The following MAP3K19 variants were observed in gnomAD, a reference collection of about 807,000 sequenced individuals.
MAP3K19 encodes mitogen-activated protein kinase kinase kinase 19.
A neutral mutation model predicts 114.4 loss-of-function variants in MAP3K19; 91 were observed. The observed-to-expected ratio is 0.80, with a 90% CI of 0.67 to 0.95. The LOEUF (loss-of-function observed/expected upper bound fraction) is 0.95. MAP3K19 is among the 40% of genes least tolerant of loss of function. The probability of loss-of-function intolerance (pLI) is 0.00; values close to 1 mark genes in which losing one functional copy is unlikely to be tolerated. For missense variants in MAP3K19, 1,471 were observed against 1,573.2 expected, an observed-to-expected ratio of 0.94 and a Z score of 1.10; for synonymous variants, 518 against 530.5, an observed-to-expected ratio of 0.98 and a Z score of 0.32.
At position 135,000,017 on chromosome 2, in the gene MAP3K19, T is replaced by G; in HGVS notation, c.236-2A>C. 6.3e-7 allele frequency: 1 copy of G among 1,593,232 alleles called. No individual in the cohort carries two copies. The highest frequency in any genetic ancestry group is 8.6e-7 in the Non-Finnish European group (1 of 1,161,006). On this transcript the variant is annotated splice_acceptor_variant, in intron 6 of 12. Coordinates refer to ENST00000392915, the MANE Select transcript of MAP3K19 (RefSeq NM_025052.5). LOFTEE classifies it high-confidence loss of function. Reference sequence around the variant, plus strand: ...GAAAAGTTACAGTGATCTCAACACCTGTAGAAACATACCACAGTAGTAGAA... The same window carrying G: ...GAAAAGTTACAGTGATCTCAACACCGGTAGAAACATACCACAGTAGTAGAA...
Position 134,999,907 on chromosome 2 carries a change from A to T in MAP3K19, c.314+30T>A. ...CTATCATTGCTTCATACTTCATTTC[A>T]AATCTGATACTTCAAAGAATATTCC... On this transcript the variant is annotated intron_variant, in intron 7 of 12. Transcript: ENST00000392915. This position sits in a 1 kb window ranked among gnomAD's most constrained non-coding sequence, Gnocchi z 4.1. The T allele has an allele frequency of 7.0e-7, 1 of 1,434,950 alleles. No homozygotes were observed. Among genetic ancestry groups the T allele is most frequent in the Non-Finnish European group, 9.8e-7 (1 of 1,017,196 alleles). 88.9% of individuals were successfully genotyped at this position (1,434,950 alleles called of 1,614,324 possible).
chr2:134,976,370 G>A (rs912281125), intron 12 of MAP3K19, among the ~76,000 whole-genome samples: 4 of 152,176 alleles, frequency 2.6e-5, no homozygotes, highest in African/African-American at 7.2e-5. Context: ...AGTTCACTGT[G>A]AGAATGTGGA....
intron 3 of MAP3K19, 31 bp from the exon 4 acceptor site, chr2:135,024,772 AT>A: frequency 2.6e-6 from 2 of 775,954 alleles, no homozygotes; most frequent in Non-Finnish European, 4.3e-6. Flanking sequence ...ATTAAAGTTT[AT>A]TTAGTTGAAT....
rs1444654509 is a variant in MAP3K19 at position 134,986,050 on chromosome 2, A to G, written c.2822T>C (p.Met941Thr). The G allele has an allele frequency of 6.2e-7, 1 of 1,613,916 alleles. No homozygotes were observed. Among genetic ancestry groups the G allele is most frequent in the East Asian group, 2.2e-5 (1 of 44,866 alleles). ...SLANKSITYQ[M>T]FGKTLSGTNS... ...TGTGCCACTTAAGGTTTTTCCAAAC[A>G]TTTGATATGTGATTGACTTATTTGC... The change falls in exon 10 of 13, where the codon ATG (methionine) becomes ACG (threonine). Residue 941 changes from methionine (M) to threonine (T), a missense_variant. Transcript: ENST00000392915.
Position 134,999,865 on chromosome 2 carries a change from T to C in MAP3K19, c.314+72A>G. The stretch of plus-strand genomic sequence containing the variant: ...TTATTATGGATTCAATTACTAATAA[T>C]GTAGGTTGCCATATGACTATCATTG... On this transcript the variant is annotated intron_variant, in intron 7 of 12. Coordinates refer to ENST00000392915, the MANE Select transcript of MAP3K19 (RefSeq NM_025052.5). This position sits in a 1 kb window ranked among gnomAD's most constrained non-coding sequence, Gnocchi z 4.1. 4.2e-6 allele frequency: 4 copies of C among 963,722 alleles called. No individual in the cohort carries two copies. Among genetic ancestry groups the C allele is most frequent in the East Asian group, 4.8e-5 (2 of 41,768 alleles). The allele number at this position is 963,722 out of a possible 1,614,324, so 59.7% of individuals were successfully genotyped here.
At chr2:135,046,911 A>G (rs958346619) in intron 1 of MAP3K19, among the ~76,000 whole-genome samples, 20 of 152,250 alleles carry the variant, frequency 1.3e-4, no homozygotes, top group Admixed American at 6.5e-4. Flanking sequence ...GTATAATTCA[A>G]TGAAGGCAAG....
At chr2:134,968,186 A>G (rs908102506) in intron 12 of MAP3K19, among the ~76,000 whole-genome samples, 18 of 152,132 alleles carry the variant, frequency 1.2e-4, no homozygotes, top group South Asian at 2.1e-4. Flanking sequence ...GTAAGGTCAC[A>G]GATCAACAGC....
chr2:134,983,679 G>T lies in MAP3K19; in HGVS notation c.3219C>A (p.Gly1073=). 2 of 1,561,722 alleles carry T rather than the reference G, an allele frequency of 1.3e-6. No homozygotes were observed. The highest frequency in any genetic ancestry group is 1.7e-6 in the Non-Finnish European group (2 of 1,159,652). The change falls in exon 11 of 13, where the codon GGC becomes GGA. Residue 1073 remains glycine (G), a synonymous_variant. Coordinates refer to ENST00000392915, the MANE Select transcript of MAP3K19 (RefSeq NM_025052.5). ...TCAAGTTTCCAGTTTAACTTACTGT[G>T]CCGTAGGCTCCCTTTCCAAGAATCT... ...KGEILGKGAY[G]TVYCGLTSQG...
chr2:134,971,367 C>A (rs953288823), intron 12 of MAP3K19, among the ~76,000 whole-genome samples: 1 of 152,020 alleles, frequency 6.6e-6, no homozygotes, highest in Non-Finnish European at 1.5e-5. Flanking sequence ...AGGATACTGG[C>A]CTATAGTTTT....
In MAP3K19 at chr2:134,999,554, C is replaced by T. The variant is rs1163431884; in HGVS notation, c.314+383G>A. 6.6e-6 allele frequency among the ~76,000 whole-genome samples: 1 copy of T among 152,208 alleles called. No homozygotes were observed. Among genetic ancestry groups the T allele is most frequent in the Non-Finnish European group, 1.5e-5 (1 of 68,034 alleles). ...TCACCCTCGCAGCCTGTCCTGACCT[C>T]ATCATGGACTAGTAACAGGACCACA... On this transcript the variant is annotated intron_variant, in intron 7 of 12. Transcript: ENST00000392915. The surrounding 1 kb of genome is among the most constrained non-coding windows in gnomAD (Gnocchi z 4.1).
At chr2:135,035,320 C>A (rs1176720842) in intron 2 of MAP3K19, among the ~76,000 whole-genome samples, 1 of 152,094 alleles carries the variant, frequency 6.6e-6, no homozygotes, top group South Asian at 2.1e-4. Context: ...TCACCTCAGC[C>A]CAGGAGGTAG....
At chr2:135,046,743 A>G (rs532816728) in intron 1 of MAP3K19, among the ~76,000 whole-genome samples, 2 of 152,340 alleles carry the variant, frequency 1.3e-5, no homozygotes, top group East Asian at 3.9e-4. Context: ...TTGATTTAGA[A>G]CCTTATGCAA....
At chr2:134,983,306 A>G (rs60969462) in intron 11 of MAP3K19, 128,563 of 544,698 alleles carry the variant, frequency 0.24, 17,725 homozygotes, top group Middle Eastern at 0.56. Flanking sequence ...TTGAAGGAAG[A>G]TATTTCTTTC....
At position 135,004,707 on chromosome 2, in the gene MAP3K19, T is replaced by TGC. The variant is rs567632714; in HGVS notation, c.235+726_235+727dup. On this transcript the variant is annotated intron_variant, in intron 6 of 12. Transcript: ENST00000392915. ...TGCAAATACCTTGTGGTCTGTTAAG[T>TGC]GCAAGGGCACTTACGGTGTGACAGG... Among the ~76,000 whole-genome samples, 399 of 152,330 alleles carry TGC rather than the reference T, an allele frequency of 2.6e-3. 1 individual carries two copies. The highest frequency in any genetic ancestry group is 8.7e-3 in the African/African-American group (363 of 41,570).
At position 134,988,079 on chromosome 2, in the gene MAP3K19, G is replaced by C. The variant is rs1225375772; in HGVS notation, c.793C>G (p.Pro265Ala). 5 of 1,613,776 alleles carry C rather than the reference G, an allele frequency of 3.1e-6. No homozygotes were observed. The highest frequency in any genetic ancestry group is 4.2e-6 in the Non-Finnish European group (5 of 1,179,892). The change falls in exon 10 of 13, where the codon CCG (proline) becomes GCG (alanine). Residue 265 changes from proline (P) to alanine (A), a missense_variant. Coordinates refer to ENST00000392915, the MANE Select transcript of MAP3K19 (RefSeq NM_025052.5). ...ATCAACGACTTAACTAGGGCTCCCG[G>C]AGGCTCGTTTGATGGGCTGAGCTCA... ...SDELSPSNEP[P>A]GALVKSLMDP...
intron 3 of MAP3K19, among the ~76,000 whole-genome samples, chr2:135,027,319 GAC>G (rs1291305532): frequency 7.4e-6 from 1 of 135,438 alleles, no homozygotes; most frequent in East Asian, 2.1e-4. Flanking sequence ...AAAAGAAAGA[GAC>G]AGAGAAATAA....
intron 9 of MAP3K19, among the ~76,000 whole-genome samples, chr2:134,989,017 T>G (rs1685374216): frequency 6.6e-6 from 1 of 152,208 alleles, no homozygotes; most frequent in African/African-American, 2.4e-5. Flanking sequence ...CTCACCATCG[T>G]TTTGCTGAAT....
chr2:134,967,499 C>T (rs1316034739), intron 12 of MAP3K19, among the ~76,000 whole-genome samples: 1 of 152,212 alleles, frequency 6.6e-6, no homozygotes, highest in Non-Finnish European at 1.5e-5. Context: ...AAAAACCGCC[C>T]TATGGTGGGA....
chr2:135,039,710 T>G (rs1188632710), intron 2 of MAP3K19, among the ~76,000 whole-genome samples: 2 of 152,208 alleles, frequency 1.3e-5, no homozygotes, highest in African/African-American at 4.8e-5. Context: ...TCATGAAGCC[T>G]CCCTCTTTGC....
Sources: gnomAD v4.1 joint callset for allele counts (sites outside exome capture counted in the v4.1 genomes callset) on GRCh38, gnomAD v4.1.1 for gene constraint, Gnocchi (gnomAD v3.1) non-coding constraint, MANE v1.5 for transcripts, NCBI Gene and HGNC (gene_info 2026-07-23, HGNC 2026-07-21) for gene names.